Variants in ABI3BP observed in about 807,000 individuals in gnomAD.
ABI3BP encodes the protein ABI family member 3 binding protein.
ABI3BP carries 216 observed loss-of-function variants against 268.6 expected under a neutral mutation model. That is an observed-to-expected ratio of 0.80 (90% CI 0.72 to 0.90). The LOEUF (loss-of-function observed/expected upper bound fraction) is 0.90. Among genes scored for constraint, ABI3BP ranks in the 40% least tolerant of loss-of-function variants. The pLI, the probability that ABI3BP is intolerant of heterozygous loss-of-function variation, is 0.00. For missense variants in ABI3BP, 2,090 were observed against 2,182.4 expected, an observed-to-expected ratio of 0.96 and a Z score of 0.84; for synonymous variants, 730 against 730.0, an observed-to-expected ratio of 1.00 and a Z score of 0.00.
At chr3:100,838,742 T>C (rs2098645701) in intron 24 of ABI3BP, among the ~76,000 whole-genome samples, 1 of 152,180 alleles carries the variant, frequency 6.6e-6, no homozygotes, top group Non-Finnish European at 1.5e-5. Context: ...AATTTCAAAA[T>C]AGACAAAGTA....
At chr3:100,845,471 T>TA (rs1376721220) in intron 20 of ABI3BP, among the ~76,000 whole-genome samples, 10 of 152,204 alleles carry the variant, frequency 6.6e-5, no homozygotes, top group African/African-American at 2.4e-4. Flanking sequence ...TTTAAGCAGT[T>TA]ACATTTTTCT....
intron 9 of ABI3BP, among the ~76,000 whole-genome samples, chr3:100,869,330 G>GTTTTTTGTTTTTTTTTTTTTTTTTTT (rs2099085664): frequency 4.0e-5 from 2 of 49,762 alleles, no homozygotes; most frequent in East Asian, 1.5e-3. Flanking sequence ...CTTCTTTTTG[G>GTTTTTTGTTTTTTTTTTTTTTTTTTT]TTTTTTTTTT....
intron 42 of ABI3BP, 48 bp from the exon 43 acceptor site, chr3:100,816,816 C>G (rs995637754): frequency 1.5e-5 from 21 of 1,434,190 alleles, no homozygotes; most frequent in Non-Finnish European, 1.7e-5. Flanking sequence ...GCTTTGGAGA[C>G]AAAACTTTAG....
At chr3:100,838,111 GGATTTCTAT>G in intron 26 of ABI3BP, 90 bp downstream of exon 26, 2 of 1,307,830 alleles carry the variant, frequency 1.5e-6, no homozygotes, top group Non-Finnish European at 2.1e-6. Flanking sequence ...TATGGTATTT[GGATTTCTAT>G]GATTTATATG....
intron 2 of ABI3BP, among the ~76,000 whole-genome samples, chr3:100,918,899 A>G (rs775074886): frequency 6.6e-6 from 1 of 152,204 alleles, no homozygotes; most frequent in Non-Finnish European, 1.5e-5. Context: ...CCTGCCATAC[A>G]GTAGGTGAGC....
intron 66 of ABI3BP, 66 bp from the exon 67 acceptor site, chr3:100,751,740 T>C: frequency 6.9e-7 from 1 of 1,446,052 alleles, no homozygotes; most frequent in East Asian, 2.5e-5. Context: ...AATTTTGAAA[T>C]CATCATTACT....
rs537522049 is a variant in ABI3BP, at chr3:100,903,766, T to C, written c.260-1080A>G. On this transcript the variant is annotated intron_variant, in intron 2 of 67. Coordinates refer to ENST00000471714, the MANE Select transcript of ABI3BP (RefSeq NM_001375547.2). ...CAACTCAACTTCTCTTAGTAACTTG[T>C]GCCTTTGTCTTTTTCTGGACATCTT... is the stretch of plus-strand genomic sequence containing the variant. Among the ~76,000 whole-genome samples the C allele has an allele frequency of 1.1e-4, 16 of 152,368 alleles. No individual in the cohort carries two copies. In the South Asian group the frequency reaches 2.1e-3, roughly 20 times the overall value.
chr3:100,942,790 G>C (rs549098462), intron 1 of ABI3BP, among the ~76,000 whole-genome samples: 2 of 151,996 alleles, frequency 1.3e-5, no homozygotes, highest in Admixed American at 1.3e-4. Flanking sequence ...TCTGTATTTC[G>C]ACAAGCTGTA....
chr3:100,763,412 G>A (rs1327614158), intron 63 of ABI3BP, among the ~76,000 whole-genome samples: 7 of 148,654 alleles, frequency 4.7e-5, no homozygotes, highest in South Asian at 2.2e-4. Context: ...GCAGTGAGCC[G>A]AGATCACACC....
intron 1 of ABI3BP, among the ~76,000 whole-genome samples, chr3:100,944,349 T>G (rs1584429154): frequency 6.6e-6 from 1 of 152,282 alleles, no homozygotes; most frequent in South Asian, 2.1e-4. Flanking sequence ...TTTTCTTTTC[T>G]TCTCTTGATA....
intron 13 of ABI3BP, 33 bp downstream of exon 13, chr3:100,862,805 G>C: frequency 2.1e-6 from 3 of 1,422,742 alleles, no homozygotes; most frequent in Non-Finnish European, 2.9e-6. Context: ...ACCACCCACA[G>C]CCTTAATATT....
At chr3:100,755,850 T>G (rs571318908) in intron 63 of ABI3BP, among the ~76,000 whole-genome samples, 3 of 152,212 alleles carry the variant, frequency 2.0e-5, no homozygotes, top group Non-Finnish European at 2.9e-5. Flanking sequence ...TTTTGGGAGA[T>G]AAATTTCGTC....
chr3:100,901,095 T>C (rs150984965), intron 3 of ABI3BP, among the ~76,000 whole-genome samples: 31 of 152,356 alleles, frequency 2.0e-4, no homozygotes, highest in African/African-American at 7.0e-4. Context: ...AGAGTACATC[T>C]ATTTTCAAGT....
intron 6 of ABI3BP, among the ~76,000 whole-genome samples, chr3:100,882,698 A>T (rs1359436547): frequency 1.3e-5 from 2 of 152,024 alleles, no homozygotes; most frequent in Non-Finnish European, 2.9e-5. Flanking sequence ...TGAGGGGGAA[A>T]AAAATTAAAT....
intron 6 of ABI3BP, among the ~76,000 whole-genome samples, chr3:100,881,006 G>A (rs915093058): frequency 6.6e-6 from 1 of 151,888 alleles, no homozygotes; most frequent in Non-Finnish European, 1.5e-5. Flanking sequence ...TGAGAACTTG[G>A]GCATATTAGA....
chr3:100,863,777 A>G (rs1324052193), intron 12 of ABI3BP: 7 of 503,008 alleles, frequency 1.4e-5, no homozygotes, highest in Non-Finnish European at 2.5e-5. Flanking sequence ...ATTGATTCTG[A>G]ATTAAAAGAA....
rs2073688820 is a variant in ABI3BP, at chr3:100,948,822, G to A, written c.80-22341C>T. On this transcript the variant is annotated intron_variant, in intron 1 of 67. Transcript: ENST00000471714. ...GGAATATTTGCATTATACTGGTTGA[G>A]CATCACAAATCCAAACATTCAAAAT... is the stretch of plus-strand genomic sequence containing the variant. Among the ~76,000 whole-genome samples the A allele has an allele frequency of 2.0e-5, 3 of 152,074 alleles. No individual in the cohort carries two copies. The South Asian group carries it at 6.2e-4, about 32-fold the overall frequency.
At chr3:100,823,330 G>A in intron 37 of ABI3BP, 128 bp downstream of exon 37, 1 of 754,158 alleles carries the variant, frequency 1.3e-6, no homozygotes, top group Non-Finnish European at 2.0e-6. Context: ...CAACAGTTAA[G>A]AGTCTTATAA....
intron 13 of ABI3BP, 58 bp downstream of exon 13, chr3:100,862,780 C>T: frequency 8.2e-7 from 1 of 1,215,828 alleles, no homozygotes; most frequent in South Asian, 1.4e-5. Context: ...ATGTGTCCTG[C>T]AGAATTAAGC....
Sources: gnomAD v4.1 joint callset for allele counts (sites outside exome capture counted in the v4.1 genomes callset) on GRCh38, gnomAD v4.1.1 for gene constraint, MANE v1.5 for transcripts, NCBI Gene and HGNC (gene_info 2026-07-23, HGNC 2026-07-21) for gene names.